SEL1L: variants seen among roughly 807,000 people sequenced by gnomAD.
SEL1L encodes SEL1L adaptor subunit of SYVN1 ubiquitin ligase, also known as protein sel-1 homolog 1.
SEL1L carries 52 observed loss-of-function variants against 109.8 expected under a neutral mutation model. The observed-to-expected ratio is 0.47, with a 90% CI of 0.38 to 0.60. SEL1L has a LOEUF of 0.60. SEL1L is among the 20% of genes least tolerant of loss of function. The pLI, the probability that SEL1L is intolerant of heterozygous loss-of-function variation, is 0.00. For synonymous variants in SEL1L, 373 were observed against 339.6 expected (o/e 1.10, Z -1.08); for missense variants, 749 against 962.2 (o/e 0.78, Z 2.93).
rs1215144847 is a variant in SEL1L, at chr14:81,472,448, C to T, written c.*4524G>A. The T allele has an allele frequency of 9.2e-6, 2 of 218,276 alleles. No homozygotes were observed. Among genetic ancestry groups the T allele is most frequent in the Admixed American group, 5.8e-5 (1 of 17,340 alleles). The allele number at this position is 218,276 out of a possible 1,614,324, so 13.5% of individuals were successfully genotyped here. A position where few individuals can be genotyped will look rare whatever the true frequency, so the allele number is the denominator to read the frequency against. Reference sequence around the variant, plus strand: ...GGGAAGCTGGGGGCCAAATTTGTAGCCCACTTCCAATTGCACTTTGTGTAC... The same window carrying T: ...GGGAAGCTGGGGGCCAAATTTGTAGTCCACTTCCAATTGCACTTTGTGTAC... On this transcript the variant is annotated 3_prime_UTR_variant, in exon 21 of 21. Coordinates refer to ENST00000336735, the MANE Select transcript of SEL1L (RefSeq NM_005065.6).
intron 3 of SEL1L, among the ~76,000 whole-genome samples, chr14:81,510,007 A>C (rs1884397407): frequency 6.6e-6 from 1 of 152,234 alleles, no homozygotes; most frequent in Non-Finnish European, 1.5e-5. Context: ...GAAGGAATTA[A>C]AGGTCCCTAG....
At position 81,505,491 on chromosome 14, in the gene SEL1L, C is replaced by T. The variant is rs571191770; in HGVS notation, c.508+583G>A. Among the ~76,000 whole-genome samples, 143 of 152,084 alleles carry T rather than the reference C, an allele frequency of 9.4e-4. 2 individuals are homozygous for T. Among genetic ancestry groups the T allele is most frequent in the Non-Finnish European group, 1.6e-3 (106 of 67,984 alleles). ...ATTTGATGTGCTCTTTTAGGATTGC[C>T]CAAATATTCTATAACAGCCATTATT... On this transcript the variant is annotated intron_variant, in intron 4 of 20. Transcript: ENST00000336735.
In SEL1L at chr14:81,487,551, A is replaced by T; in HGVS notation, c.1484-13T>A. The T allele has an allele frequency of 6.3e-7, 1 of 1,593,238 alleles. No individual in the cohort carries two copies. The highest frequency in any genetic ancestry group is 8.5e-7 in the Non-Finnish European group (1 of 1,175,826). On this transcript the variant is annotated splice_polypyrimidine_tract_variant and intron_variant, in intron 15 of 20. Coordinates refer to ENST00000336735, the MANE Select transcript of SEL1L (RefSeq NM_005065.6). ...ACTCCAATGCCATCTGTAAGAAAAA[A>T]AAAAATCACACGAGATAATAGACTT...
In SEL1L at chr14:81,473,532, GATC is replaced by G. The variant is rs1903065802; in HGVS notation, c.*3437_*3439del. ...GAAAATAGAAATTTTCTTTTGTTCT[GATC>G]ATTTCTTACATACTTCTAGTCATAA... On this transcript the variant is annotated 3_prime_UTR_variant, in exon 21 of 21. Coordinates refer to ENST00000336735, the MANE Select transcript of SEL1L (RefSeq NM_005065.6). The G allele has an allele frequency of 6.6e-6, 1 of 152,012 alleles. No homozygotes were observed. The highest frequency in any genetic ancestry group is 2.4e-5 in the African/African-American group (1 of 41,376). The allele number at this position is 152,012 out of a possible 1,614,324, so 9.4% of individuals were successfully genotyped here.
chr14:81,526,801 A>G lies in SEL1L; in HGVS notation c.272T>C (p.Ile91Thr), dbSNP rs772148272. ...TGGATTTGGAGACTCTAGAAAGCTG[A>G]TATCTTCTGTGACACTTTCCCCCTC... ...SQEGESVTED[I>T]SFLESPNPEN... is the part of the protein sequence containing the mutation. The change falls in exon 3 of 21, where the codon ATC becomes ACC. Residue 91 changes from isoleucine (I) to threonine (T), a missense_variant. By Grantham distance (89) the Ile-to-Thr change is moderately conservative. Transcript: ENST00000336735. 19 of 1,607,918 alleles carry G rather than the reference A, an allele frequency of 1.2e-5. No homozygotes were observed. Among genetic ancestry groups the G allele is most frequent in the Middle Eastern group, 1.7e-4 (1 of 6,038 alleles).
At chr14:81,518,677 AAAAG>A (rs1884798197) in intron 3 of SEL1L, among the ~76,000 whole-genome samples, 1 of 149,798 alleles carries the variant, frequency 6.7e-6, no homozygotes, top group Non-Finnish European at 1.5e-5. Context: ...AAAAAAAAAA[AAAAG>A]GTAAAAAGAT....
At chr14:81,496,515 G>T (rs879700538) in intron 10 of SEL1L, among the ~76,000 whole-genome samples, 2 of 152,018 alleles carry the variant, frequency 1.3e-5, no homozygotes, top group African/African-American at 4.8e-5. Context: ...GAGGTGGGTG[G>T]GATCACTTAG....
intron 10 of SEL1L, among the ~76,000 whole-genome samples, chr14:81,496,150 T>C (rs954049986): frequency 2.6e-5 from 4 of 151,788 alleles, no homozygotes; most frequent in African/African-American, 9.7e-5. Context: ...GGTGAAACCC[T>C]GTCTCTACTA....
chr14:81,510,472 ATCTCTCTCTCTCTC>A lies in SEL1L; in HGVS notation c.341-4245_341-4232del, dbSNP rs374089460. Among the ~76,000 whole-genome samples the A allele has an allele frequency of 8.1e-3, 965 of 118,930 alleles. 17 individuals are homozygous for A. The highest frequency in any genetic ancestry group is 0.028 in the African/African-American group (902 of 31,752). 78.0% of individuals were successfully genotyped at this position (118,930 alleles called of 152,430 possible). The stretch of plus-strand genomic sequence containing the variant: ...AAAGGTAAACATAGCTAGAATGCTG[ATCTCTCTCTCTCTC>A]TCTCTCTCTCTCTCTCTCTCTCTCT... On this transcript the variant is annotated intron_variant, in intron 3 of 20. Transcript: ENST00000336735.
rs1393761912 is a variant in SEL1L, at chr14:81,499,807, G to A, written c.778-145C>T. 5 of 497,494 alleles carry A rather than the reference G, an allele frequency of 1.0e-5. No individual in the cohort carries two copies. The East Asian group carries it at 1.6e-4, about 16-fold the overall frequency. The allele number at this position is 497,494 out of a possible 1,614,324, so 30.8% of individuals were successfully genotyped here. Reference sequence around the variant, plus strand: ...TTTGAATTCAAGTATGTACAAACATGGATTAAAGAGCCTTGGAAAAGCATT... The same window carrying A: ...TTTGAATTCAAGTATGTACAAACATAGATTAAAGAGCCTTGGAAAAGCATT... On this transcript the variant is annotated intron_variant, in intron 6 of 20. Transcript: ENST00000336735.
intron 20 of SEL1L, 128 bp downstream of exon 20, chr14:81,479,481 TGAG>T (rs1364550864): frequency 1.8e-5 from 15 of 820,058 alleles, no homozygotes; most frequent in South Asian, 3.0e-5. Flanking sequence ...GTACCTGAGC[TGAG>T]GAGAAGGGAA....
rs766418396 is a variant in SEL1L, at chr14:81,477,101, C to T, written c.2256G>A (p.Ala752=). Residue 752 remains alanine, a synonymous_variant, in exon 21 of 21, where the codon GCG becomes GCA. Transcript: ENST00000336735. ...EWDLYLMTII[A]LLLGTVIAYR... Reference sequence around the variant, plus strand: ...AAGCTATGACTGTTCCCAACAGCAGCGCAATGATGGTCATGAGGTAAAGGT... The same window carrying T: ...AAGCTATGACTGTTCCCAACAGCAGTGCAATGATGGTCATGAGGTAAAGGT... The T allele has an allele frequency of 1.2e-6, 2 of 1,614,092 alleles. No individual in the cohort carries two copies. The highest frequency in any genetic ancestry group is 1.1e-5 in the South Asian group (1 of 91,080).
Position 81,485,678 on chromosome 14 carries a change from A to C in SEL1L, c.1867T>G (p.Ser623Ala). 1 of 1,613,682 alleles carries C rather than the reference A, an allele frequency of 6.2e-7. No homozygotes were observed. The highest frequency in any genetic ancestry group is 1.7e-5 in the Admixed American group (1 of 60,004). ...RALLHWNRAA[S>A]QGYTVARIKL... The stretch of plus-strand genomic sequence containing the variant: ...CTTAGAATTAATCACTTACCTTGAG[A>C]GGCGGCCCTGTTCCAATGTAGCAAA... Residue 623 changes from serine to alanine, a missense_variant, in exon 18 of 21, where the codon TCT becomes GCT. By Grantham distance (99) the Ser-to-Ala change is moderately conservative (BLOSUM62 1). This residue lies in a region of SEL1L where 383 missense variants were observed against 562.5 expected (regional missense o/e 0.68). Coordinates refer to ENST00000336735, the MANE Select transcript of SEL1L (RefSeq NM_005065.6).
chr14:81,490,222 G>T (rs1003534568), intron 13 of SEL1L, among the ~76,000 whole-genome samples, 166 bp downstream of exon 13: 1 of 152,096 alleles, frequency 6.6e-6, no homozygotes, highest in Non-Finnish European at 1.5e-5. Context: ...GCCTTTTATC[G>T]GGAGGGCTTT....
chr14:81,498,182 G>T, intron 9 of SEL1L, 136 bp from the exon 10 acceptor site: 1 of 931,048 alleles, frequency 1.1e-6, no homozygotes, highest in Non-Finnish European at 1.6e-6. Context: ...AGTCTATATA[G>T]ATCGCAAATC....
chr14:81,505,979 AC>A, intron 4 of SEL1L, 94 bp downstream of exon 4: 2 of 1,250,492 alleles, frequency 1.6e-6, no homozygotes, highest in Non-Finnish European at 2.2e-6. Flanking sequence ...GCCATTTCTG[AC>A]CAATGTGGAA....
intron 4 of SEL1L, among the ~76,000 whole-genome samples, chr14:81,504,986 G>A (rs897089480): frequency 2.0e-5 from 3 of 152,104 alleles, no homozygotes; most frequent in Admixed American, 2.0e-4. Flanking sequence ...AGCCAATTAA[G>A]CCTCCTTTAT....
At position 81,501,447 on chromosome 14, in the gene SEL1L, T is replaced by C. The variant is rs185994811; in HGVS notation, c.777+1274A>G. On this transcript the variant is annotated intron_variant, in intron 6 of 20. Transcript: ENST00000336735. ...GAAAATAAGAATATATATGTTTTTA[T>C]ATAAACTGATTCACGCAAAGAAGAG... Among the ~76,000 whole-genome samples, 656 of 152,304 alleles carry C rather than the reference T, an allele frequency of 4.3e-3. 6 individuals carry two copies. Among genetic ancestry groups the C allele is most frequent in the African/African-American group, 0.015 (634 of 41,560 alleles).
At chr14:81,484,493 C>A in intron 18 of SEL1L, 96 bp from the exon 19 acceptor site, 1 of 1,172,438 alleles carries the variant, frequency 8.5e-7, no homozygotes, top group Admixed American at 2.3e-5. Context: ...TTACATAAAA[C>A]AAAGAATTTT....
Sources: allele counts gnomAD v4.1 joint callset (sites outside exome capture counted in the v4.1 genomes callset), GRCh38; gene constraint gnomAD v4.1.1; regional missense constraint gnomAD v4.1.1; transcripts MANE v1.5; gene names NCBI Gene and HGNC (gene_info 2026-07-23, HGNC 2026-07-21).